Variants in ARHGEF1 observed in about 807,000 individuals in gnomAD.
ARHGEF1 encodes the protein Rho guanine nucleotide exchange factor 1.
Under a neutral mutation model 119.7 loss-of-function variants are expected in ARHGEF1, and 40 were observed. That is an observed-to-expected ratio of 0.33 (90% CI 0.26 to 0.44). The LOEUF is 0.44. Among genes scored for constraint, ARHGEF1 ranks in the 20% least tolerant of loss-of-function variants. The pLI is 1.00. For synonymous variants in ARHGEF1, 494 were observed against 521.0 expected (o/e 0.95, Z 0.71); for missense variants, 976 against 1,268.3 (o/e 0.77, Z 3.50).
upstream of ARHGEF1, among the ~76,000 whole-genome samples, chr19:41,921,070 C>T (rs375029965): frequency 1.4e-3 from 207 of 152,260 alleles, no homozygotes; most frequent in Non-Finnish European, 2.2e-3. The surrounding 1 kb of genome is among the most constrained non-coding windows in gnomAD (Gnocchi z 4.4). Context: ...GGAGCGTCCC[C>T]GGGGAGGTGG....
chr19:41,894,308 T>C lies in ARHGEF1; in HGVS notation c.744+2T>C. 1 of 1,549,814 alleles carries C rather than the reference T, an allele frequency of 6.5e-7. No individual in the cohort carries two copies. On this transcript the variant is annotated splice_donor_variant, in intron 9 of 28. Transcript: ENST00000354532. LOFTEE classifies it high-confidence loss of function. The stretch of plus-strand genomic sequence containing the variant: ...GGGAGGAACTTCTTCCGGAAAAAGG[T>C]GCTTCCCTCAGTGCCCCGTCCTGAC...
intron 1 of ARHGEF1, among the ~76,000 whole-genome samples, chr19:41,886,065 C>T (rs548181318): frequency 2.6e-5 from 4 of 152,020 alleles, no homozygotes; most frequent in East Asian, 1.9e-4. Flanking sequence ...ATTTTAAATG[C>T]GTAAACTCTG....
In ARHGEF1 at chr19:41,906,536, A is replaced by G. The variant is rs1555850231; in HGVS notation, c.2571A>G (p.Pro857=). 1 of 1,582,388 alleles carries G rather than the reference A, an allele frequency of 6.3e-7. No homozygotes were observed. The highest frequency in any genetic ancestry group is 1.2e-5 in the South Asian group (1 of 86,062). The change falls in exon 27 of 29, where the codon CCA becomes CCG. Residue 857 remains proline, a synonymous_variant. Coordinates refer to ENST00000354532, the MANE Select transcript of ARHGEF1 (RefSeq NM_004706.4). This position sits in a 1 kb window ranked among gnomAD's most constrained non-coding sequence, Gnocchi z 4.5. Reference sequence around the variant, plus strand: ...CTCCTCGAGATGGGGATGGGGTCCCAGGGGGCGGCCCCCTGAGCCCAGCAC... The same window carrying G: ...CTCCTCGAGATGGGGATGGGGTCCCGGGGGGCGGCCCCCTGAGCCCAGCAC... The part of the protein sequence containing the change: ...AGPPRDGDGV[P]GGGPLSPART...
At chr19:41,920,262 G>A (rs190606461), upstream of ARHGEF1, among the ~76,000 whole-genome samples, 25 of 122,234 alleles carry the variant, frequency 2.0e-4, no homozygotes, top group Non-Finnish European at 3.8e-4. Context: ...GCACAGACAT[G>A]ACATGCTCAC....
chr19:41,899,029 G>C (rs1381287351), intron 14 of ARHGEF1, among the ~76,000 whole-genome samples: 2 of 152,106 alleles, frequency 1.3e-5, no homozygotes, highest in Non-Finnish European at 2.9e-5. Context: ...GTCTCAGTTG[G>C]TCTCTCAGGC....
rs73550624 is a variant in ARHGEF1 at position 41,914,579 on chromosome 19, C to A, written c.1865+7776C>A. 7.6e-3 allele frequency among the ~76,000 whole-genome samples: 655 copies of A among 86,456 alleles called. 97 individuals are homozygous for A. The highest frequency in any genetic ancestry group is 0.014 in the African/African-American group (227 of 16,674). The allele number at this position is 86,456 out of a possible 152,430, so 56.7% of individuals were successfully genotyped here. ...CCTTCCACCATCTCTGTCTCCGTCT[C>A]TCCCTCCCTTTCCACCATCTCTGTC... On this transcript the variant is annotated intron_variant, in intron 18 of 20. Coordinates refer to the ARHGEF1 transcript ENST00000599589.
At position 41,895,368 on chromosome 19, in the gene ARHGEF1, A is replaced by C. The variant is rs782566769; in HGVS notation, c.897A>C (p.Thr299=). Residue 299 remains threonine (T), a synonymous_variant, in exon 12 of 29, where the codon ACA becomes ACC. Coordinates refer to ENST00000354532, the MANE Select transcript of ARHGEF1 (RefSeq NM_004706.4). ...AEVDAEKPGA[T]DRKGGVGMPS... ...CCCCAGCCGAGAAGCCAGGTGCTACAGACCGGAAGGGAGGCGTGGGGATGC... is the reference window on the plus strand; with the variant it reads ...CCCCAGCCGAGAAGCCAGGTGCTACCGACCGGAAGGGAGGCGTGGGGATGC... The C allele has an allele frequency of 5.6e-6, 9 of 1,611,290 alleles. No homozygotes were observed. The Middle Eastern group carries it at 5.0e-4, about 89-fold the overall frequency.
chr19:41,894,886 G>C (rs557637587), intron 11 of ARHGEF1, among the ~76,000 whole-genome samples: 1 of 108,618 alleles, frequency 9.2e-6, no homozygotes, highest in East Asian at 3.2e-4. Context: ...TGAGGGAGGA[G>C]GGACTGGGCC....
intron 1 of ARHGEF1, chr19:41,923,355 CTG>C (rs1442834452): frequency 2.8e-6 from 1 of 352,334 alleles, no homozygotes; most frequent in Non-Finnish European, 5.6e-6. Context: ...TATGGAGAAA[CTG>C]AGAGAGAGTC....
At chr19:41,921,998 C>T (rs982587772), upstream of ARHGEF1, among the ~76,000 whole-genome samples, 1 of 142,368 alleles carries the variant, frequency 7.0e-6, no homozygotes, top group African/African-American at 2.5e-5. This position sits in a 1 kb window ranked among gnomAD's most constrained non-coding sequence, Gnocchi z 4.4. Flanking sequence ...CTTCATTCTA[C>T]CTCCACCCCC....
chr19:41,920,844 G>A (rs1159001410), upstream of ARHGEF1, among the ~76,000 whole-genome samples: 13 of 152,238 alleles, frequency 8.5e-5, no homozygotes, highest in African/African-American at 3.1e-4. Context: ...AGGTGGGGAG[G>A]CTCCAGGCCA....
downstream of ARHGEF1, among the ~76,000 whole-genome samples, chr19:41,911,603 A>C (rs2074752023): frequency 6.6e-6 from 1 of 152,120 alleles, no homozygotes; most frequent in Non-Finnish European, 1.5e-5. Context: ...AGTCTCCTTG[A>C]GGGAGAATTT....
At chr19:41,901,751 C>T in intron 14 of ARHGEF1, 136 bp from the exon 15 acceptor site, 2 of 1,099,438 alleles carry the variant, frequency 1.8e-6, no homozygotes, top group Non-Finnish European at 2.5e-6. Context: ...CCATGGCTAG[C>T]CAGAGAGAGT....
At chr19:41,915,061 C>T (rs1439872558) in intron 18 of ARHGEF1, among the ~76,000 whole-genome samples, 1 of 109,458 alleles carries the variant, frequency 9.1e-6, no homozygotes, top group Non-Finnish European at 1.9e-5. Context: ...TCCCCCACAC[C>T]TCTCCCCCAC....
chr19:41,906,453 C>T lies in ARHGEF1; in HGVS notation c.2492-4C>T. 2 of 1,560,518 alleles carry T rather than the reference C, an allele frequency of 1.3e-6. No individual in the cohort carries two copies. The highest frequency in any genetic ancestry group is 1.7e-6 in the Non-Finnish European group (2 of 1,160,104). The stretch of plus-strand genomic sequence containing the variant: ...TGACTCCACCCCTCCTTGCCCCTGG[C>T]CAGTGCTGTCCCTGAAGCAGCTTCT... On this transcript the variant is annotated splice_region_variant and splice_polypyrimidine_tract_variant and intron_variant, in intron 26 of 28. Transcript: ENST00000354532. The surrounding 1 kb of genome is among the most constrained non-coding windows in gnomAD (Gnocchi z 4.5).
At chr19:41,901,645 G>A (rs938548230) in intron 14 of ARHGEF1, among the ~76,000 whole-genome samples, 1 of 152,056 alleles carries the variant, frequency 6.6e-6, no homozygotes, top group East Asian at 1.9e-4. Context: ...TAGAAACAGG[G>A]TTTCACCATG....
rs75665199 is a variant in ARHGEF1, at chr19:41,916,843, G to GAC, written c.1866-6247_1866-6246dup. Among the ~76,000 whole-genome samples the GAC allele has an allele frequency of 0.27, 40,277 of 151,622 alleles. 11,502 individuals carry two copies. The highest frequency in any genetic ancestry group is 0.72 in the African/African-American group (29,720 of 41,152). ...AGATCACGGACCCAAACATACGACCGACAGCGGCCCCTGCAGAGGTACACA... is the reference window on the plus strand; with the variant it reads ...AGATCACGGACCCAAACATACGACCGACACAGCGGCCCCTGCAGAGGTACACA... On this transcript the variant is annotated intron_variant, in intron 18 of 20. Coordinates refer to the ARHGEF1 transcript ENST00000599589. The surrounding 1 kb of genome is among the most constrained non-coding windows in gnomAD (Gnocchi z 5.4).
intron 4 of ARHGEF1, chr19:41,890,438 G>T (rs1293162868): frequency 6.6e-6 from 1 of 151,692 alleles, no homozygotes; most frequent in Non-Finnish European, 1.5e-5. Flanking sequence ...TTGAGATCAA[G>T]AGTTCGAGAC....
In ARHGEF1 at chr19:41,894,282, G is replaced by T; in HGVS notation, c.720G>T (p.Ser240=). 1 of 1,567,210 alleles carries T rather than the reference G, an allele frequency of 6.4e-7. No individual in the cohort carries two copies. Among genetic ancestry groups the T allele is most frequent in the Non-Finnish European group, 8.7e-7 (1 of 1,152,026 alleles). ...GVRTKSGDKK[S]GRNFFRKKVM... ...GGACCAAGAGTGGAGACAAGAAGTC[G>T]GGGAGGAACTTCTTCCGGAAAAAGG... Residue 240 remains serine, a synonymous_variant, in exon 9 of 29, where the codon TCG becomes TCT. Transcript: ENST00000354532.
Sources: gnomAD v4.1 joint callset for allele counts (sites outside exome capture counted in the v4.1 genomes callset) on GRCh38, gnomAD v4.1.1 for gene constraint, Gnocchi (gnomAD v3.1) non-coding constraint, MANE v1.5 for transcripts, NCBI Gene and HGNC (gene_info 2026-07-23, HGNC 2026-07-21) for gene names.